SLC44A1: variants seen among roughly 807,000 people sequenced by gnomAD.
SLC44A1 encodes solute carrier family 44 member 1.
SLC44A1 carries 26 observed loss-of-function variants against 79.3 expected under a neutral mutation model. The observed-to-expected ratio is 0.33, with a 90% CI of 0.24 to 0.46. The LOEUF (loss-of-function observed/expected upper bound fraction) is 0.46, where lower values mean the gene tolerates loss of function less well. Among genes scored for constraint, SLC44A1 ranks in the 20% least tolerant of loss-of-function variants. The pLI, the probability that SLC44A1 is intolerant of heterozygous loss-of-function variation, is 1.00. For missense variants in SLC44A1, 688 were observed against 798.1 expected (o/e 0.86, Z 1.66); for synonymous variants, 263 against 286.2 (o/e 0.92, Z 0.82).
intron 1 of SLC44A1, among the ~76,000 whole-genome samples, chr9:105,290,348 C>G (rs555166318): frequency 6.6e-6 from 1 of 152,034 alleles, no homozygotes; most frequent in African/African-American, 2.4e-5. Flanking sequence ...AATTCTGACC[C>G]TTGTAGGATG....
At chr9:105,246,429 G>A (rs1212325940) in intron 1 of SLC44A1, among the ~76,000 whole-genome samples, 1 of 141,538 alleles carries the variant, frequency 7.1e-6, no homozygotes, top group African/African-American at 2.7e-5. Flanking sequence ...TTTCCTGCTA[G>A]CATTATAGTC....
rs1329625390 is a variant in SLC44A1, at chr9:105,365,598, C to G, written c.1369C>G (p.Arg457Gly). The G allele has an allele frequency of 6.2e-7, 1 of 1,613,486 alleles. No individual in the cohort carries two copies. Among genetic ancestry groups the G allele is most frequent in the South Asian group, 1.1e-5 (1 of 91,028 alleles). Residue 457 changes from arginine (R) to glycine (G), a missense_variant, in exon 11 of 16, where the codon CGA becomes GGA. Arg to Gly is a moderately radical substitution (Grantham distance 125, BLOSUM62 -2). Transcript: ENST00000374720. ...SFIITLVKIP[R>G]MILMYIHSQL... ...CATTATCACATTAGTCAAAATTCCG[C>G]GAATGATCCTTATGTATATTCACAG... is the stretch of plus-strand genomic sequence containing the variant.
intron 12 of SLC44A1, among the ~76,000 whole-genome samples, chr9:105,371,170 G>A (rs1271875641): frequency 1.3e-5 from 2 of 152,220 alleles, no homozygotes; most frequent in East Asian, 1.9e-4. Flanking sequence ...ATGAGCAAAT[G>A]TGGTTTGTAT....
intron 15 of SLC44A1, among the ~76,000 whole-genome samples, chr9:105,435,381 A>G (rs190252154): frequency 2.1e-4 from 32 of 152,282 alleles, no homozygotes; most frequent in Non-Finnish European, 3.5e-4. Flanking sequence ...GAGTCAGCAA[A>G]GAGTGTTGGG....
chr9:105,342,649 C>T (rs1335920581), intron 4 of SLC44A1, among the ~76,000 whole-genome samples: 1 of 152,182 alleles, frequency 6.6e-6, no homozygotes, highest in African/African-American at 2.4e-5. Flanking sequence ...CCATAGACCA[C>T]CCTTCACTTC....
intron 1 of SLC44A1, among the ~76,000 whole-genome samples, chr9:105,293,332 C>T (rs1830646966): frequency 6.6e-6 from 1 of 152,032 alleles, no homozygotes; most frequent in South Asian, 2.1e-4. Flanking sequence ...GTACTTCTGC[C>T]TTAATTAGGA....
In SLC44A1 at chr9:105,345,563, C is replaced by G. The variant is rs141560542; in HGVS notation, c.407-2795C>G. ...ATATGCCAGTGATTGTGTTTAAGGC[C>G]TTGGAAATATTACTTTTTTTTTCAT... On this transcript the variant is annotated intron_variant, in intron 4 of 15. Transcript: ENST00000374720. 4.7e-3 allele frequency among the ~76,000 whole-genome samples: 719 copies of G among 152,050 alleles called. 6 individuals carry two copies. The highest frequency in any genetic ancestry group is 6.5e-3 in the Non-Finnish European group (441 of 67,992).
intron 3 of SLC44A1, among the ~76,000 whole-genome samples, chr9:105,330,202 T>A (rs190535008): frequency 1.3e-5 from 2 of 152,220 alleles, no homozygotes; most frequent in East Asian, 3.9e-4. Flanking sequence ...CTGTCAGGGA[T>A]CCCAGAAGAT....
downstream of SLC44A1, among the ~76,000 whole-genome samples, chr9:105,398,023 G>A (rs1828909132): frequency 6.6e-6 from 1 of 152,204 alleles, no homozygotes; most frequent in Non-Finnish European, 1.5e-5. Flanking sequence ...CATTCATTGT[G>A]CCTGGTTCAG....
chr9:105,402,716 T>C (rs564453032), intron 15 of SLC44A1, among the ~76,000 whole-genome samples: 11 of 152,352 alleles, frequency 7.2e-5, no homozygotes, highest in African/African-American at 2.6e-4. Flanking sequence ...TCTACTCTTC[T>C]ACATTGTCAT....
At chr9:105,429,194 C>T (rs12343676) in intron 15 of SLC44A1, among the ~76,000 whole-genome samples, 19,147 of 152,182 alleles carry the variant, frequency 0.13, 3,167 homozygotes, top group African/African-American at 0.39. Context: ...GCACACAATT[C>T]GTATCTTGCC....
intron 3 of SLC44A1, among the ~76,000 whole-genome samples, chr9:105,314,458 A>G (rs891446115): frequency 6.6e-6 from 1 of 152,142 alleles, no homozygotes. Flanking sequence ...CACAGAGCTT[A>G]GTGTCTACTT....
intron 1 of SLC44A1, among the ~76,000 whole-genome samples, chr9:105,277,242 A>C (rs1272669607): frequency 6.6e-6 from 1 of 152,222 alleles, no homozygotes; most frequent in Non-Finnish European, 1.5e-5. Flanking sequence ...GTAGAATATC[A>C]GGAGTTGGTA....
chr9:105,422,065 C>T (rs960731656), intron 15 of SLC44A1, among the ~76,000 whole-genome samples: 1 of 152,288 alleles, frequency 6.6e-6, no homozygotes, highest in Middle Eastern at 3.4e-3. Context: ...GTTGGACTCT[C>T]CTACCTGAGT....
Position 105,389,786 on chromosome 9 carries a change from T to G in SLC44A1, c.*730T>G. ...GTATGCAAACTTTTCCCTTATATTT[T>G]GTCTTTCTTTCCTTTTTGACTTTAG... On this transcript the variant is annotated 3_prime_UTR_variant, in exon 16 of 16. Transcript: ENST00000374720. 2 of 1,330,038 alleles carry G rather than the reference T, an allele frequency of 1.5e-6. No individual in the cohort carries two copies. Among genetic ancestry groups the G allele is most frequent in the Non-Finnish European group, 1.9e-6 (2 of 1,035,192 alleles). 82.4% of individuals were successfully genotyped at this position (1,330,038 alleles called of 1,614,324 possible).
rs1829488732 is a variant in SLC44A1, at chr9:105,247,596, CAG to C, written c.36+2693_36+2694del. ...ACAGACATGAGCCACCGCTCCCTAT[CAG>C]GGGTCTCAAATGTATTTTCACTCAG... On this transcript the variant is annotated intron_variant, in intron 1 of 15. Transcript: ENST00000374720. Among the ~76,000 whole-genome samples the C allele has an allele frequency of 5.3e-5, 8 of 152,318 alleles. No homozygotes were observed. The South Asian group carries it at 1.7e-3, about 32-fold the overall frequency.
chr9:105,273,131 A>G (rs1830116033), intron 1 of SLC44A1, among the ~76,000 whole-genome samples: 3 of 151,966 alleles, frequency 2.0e-5, no homozygotes, highest in Non-Finnish European at 4.4e-5. Context: ...AGCTGGGATT[A>G]CAGGTGCCCA....
At chr9:105,294,092 T>C (rs1461298032) in intron 1 of SLC44A1, among the ~76,000 whole-genome samples, 1 of 152,202 alleles carries the variant, frequency 6.6e-6, no homozygotes, top group Non-Finnish European at 1.5e-5. Context: ...AATTCTCCAG[T>C]AGTAGTATTA....
intron 13 of SLC44A1, among the ~76,000 whole-genome samples, chr9:105,380,619 A>T (rs1459077261): frequency 6.6e-6 from 1 of 152,128 alleles, no homozygotes; most frequent in African/African-American, 2.4e-5. Flanking sequence ...TGTTACTAAT[A>T]TATGTCTTAT....
Sources: allele counts gnomAD v4.1 joint callset (sites outside exome capture counted in the v4.1 genomes callset), GRCh38; gene constraint gnomAD v4.1.1; transcripts MANE v1.5; gene names NCBI Gene and HGNC (gene_info 2026-07-23, HGNC 2026-07-21).